The following LHFPL6 variants were observed in gnomAD, a reference collection of about 807,000 sequenced individuals.
LHFPL6 encodes LHFPL tetraspan subfamily member 6.
LHFPL6 carries 9 observed loss-of-function variants against 20.6 expected under a neutral mutation model. That is an observed-to-expected ratio of 0.44 (90% CI 0.26 to 0.76). The LOEUF (loss-of-function observed/expected upper bound fraction) is 0.76. LHFPL6 is among the 30% of genes least tolerant of loss of function. The pLI, the probability that LHFPL6 is intolerant of heterozygous loss-of-function variation, is 0.20. For missense variants in LHFPL6, 218 were observed against 253.5 expected, an observed-to-expected ratio of 0.86 and a Z score of 0.95; for synonymous variants, 105 against 98.7, an observed-to-expected ratio of 1.06 and a Z score of -0.38.
At chr13:39,352,614 T>C (rs898898552) in intron 3 of LHFPL6, among the ~76,000 whole-genome samples, 7 of 152,070 alleles carry the variant, frequency 4.6e-5, no homozygotes, top group African/African-American at 1.2e-4. Context: ...CTTGTAGCCA[T>C]AGTGTCTGAG....
chr13:39,370,805 T>C (rs575255082), intron 3 of LHFPL6, among the ~76,000 whole-genome samples: 2 of 152,344 alleles, frequency 1.3e-5, no homozygotes, highest in South Asian at 4.1e-4. Flanking sequence ...AAGCGAGTCA[T>C]ATTGAATGTC....
intron 3 of LHFPL6, among the ~76,000 whole-genome samples, chr13:39,352,468 C>T (rs778634939): frequency 3.3e-5 from 5 of 152,182 alleles, no homozygotes; most frequent in African/African-American, 4.8e-5. Flanking sequence ...CACTGTAACT[C>T]GGGCAGTTCC....
intron 2 of LHFPL6, among the ~76,000 whole-genome samples, chr13:39,441,932 C>T (rs1238717302): frequency 4.7e-5 from 7 of 147,846 alleles, no homozygotes; most frequent in South Asian, 4.3e-4. Context: ...CAGGTTCAAG[C>T]GATTCTCCTG....
chr13:39,439,801 C>T (rs989775786), intron 2 of LHFPL6, among the ~76,000 whole-genome samples: 19 of 152,108 alleles, frequency 1.2e-4, no homozygotes, highest in African/African-American at 4.1e-4. Context: ...CTACCTCACT[C>T]CCCCTTTGCC....
At chr13:39,366,188 T>C (rs1181078466) in intron 3 of LHFPL6, among the ~76,000 whole-genome samples, 1 of 152,204 alleles carries the variant, frequency 6.6e-6, no homozygotes, top group East Asian at 1.9e-4. Context: ...CTTAGAGTGA[T>C]AACACTATGA....
At chr13:39,546,620 T>G (rs1207086489) in intron 2 of LHFPL6, among the ~76,000 whole-genome samples, 1 of 152,014 alleles carries the variant, frequency 6.6e-6, no homozygotes, top group Non-Finnish European at 1.5e-5. Context: ...ACCTTCCCAT[T>G]CAGATACAGC....
intron 2 of LHFPL6, among the ~76,000 whole-genome samples, chr13:39,546,802 T>C (rs1032490560): frequency 2.6e-5 from 4 of 152,126 alleles, no homozygotes; most frequent in African/African-American, 9.7e-5. Context: ...GCTTTTTTAC[T>C]GCCACAAAGG....
intron 3 of LHFPL6, among the ~76,000 whole-genome samples, chr13:39,352,376 T>C (rs1053914356): frequency 3.3e-5 from 5 of 152,182 alleles, no homozygotes; most frequent in Non-Finnish European, 7.4e-5. Flanking sequence ...GGTGCCACCA[T>C]ACCATCCTAA....
chr13:39,405,895 A>G (rs1450973297), intron 2 of LHFPL6, among the ~76,000 whole-genome samples: 1 of 152,182 alleles, frequency 6.6e-6, no homozygotes, highest in East Asian at 1.9e-4. Context: ...TCTTTTTCCA[A>G]ATGAAATCTG....
intron 2 of LHFPL6, among the ~76,000 whole-genome samples, chr13:39,541,237 A>G (rs57364973): frequency 0.025 from 3,851 of 152,272 alleles, 169 homozygotes; most frequent in African/African-American, 0.088. Flanking sequence ...GGACACCCCA[A>G]AGGAGAAGAG....
chr13:39,464,088 C>G (rs1176437162), intron 2 of LHFPL6, among the ~76,000 whole-genome samples: 1 of 152,096 alleles, frequency 6.6e-6, no homozygotes. Context: ...TAAGGAGGTA[C>G]TCAAAAAGGT....
At chr13:39,512,086 T>C (rs1869727180) in intron 2 of LHFPL6, among the ~76,000 whole-genome samples, 1 of 152,224 alleles carries the variant, frequency 6.6e-6, no homozygotes, top group South Asian at 2.1e-4. Flanking sequence ...ATACTTTATT[T>C]GTAATTTAAA....
At chr13:39,513,109 A>T (rs1869782380) in intron 2 of LHFPL6, among the ~76,000 whole-genome samples, 1 of 152,228 alleles carries the variant, frequency 6.6e-6, no homozygotes, top group East Asian at 1.9e-4. Context: ...ATAGCAAATA[A>T]CCTTAAAATT....
intron 2 of LHFPL6, among the ~76,000 whole-genome samples, chr13:39,594,914 C>A (rs961973630): frequency 1.2e-4 from 18 of 152,028 alleles, no homozygotes; most frequent in Middle Eastern, 6.8e-3. Context: ...GGGAATTGAA[C>A]AATGAGAACA....
intron 3 of LHFPL6, among the ~76,000 whole-genome samples, chr13:39,365,221 G>C (rs115878776): frequency 6.6e-6 from 1 of 152,276 alleles, no homozygotes; most frequent in African/African-American, 2.4e-5. Flanking sequence ...TATGGCTGCA[G>C]CCATTTTCCT....
chr13:39,433,971 G>T (rs1464199185), intron 2 of LHFPL6, among the ~76,000 whole-genome samples: 1 of 152,124 alleles, frequency 6.6e-6, no homozygotes, highest in Admixed American at 6.5e-5. Flanking sequence ...CAAAGAGCCT[G>T]CTATCTGTGA....
rs1378385071 is a variant in LHFPL6 at position 39,352,948 on chromosome 13, T to C, written c.485-8894A>G. Among the ~76,000 whole-genome samples the C allele has an allele frequency of 3.8e-3, 406 of 107,850 alleles. 8 individuals carry two copies. Among genetic ancestry groups the C allele is most frequent in the African/African-American group, 8.0e-3 (197 of 24,550 alleles). 70.8% of individuals were successfully genotyped at this position (107,850 alleles called of 152,430 possible). On this transcript the variant is annotated intron_variant, in intron 3 of 3. Coordinates refer to ENST00000379589, the MANE Select transcript of LHFPL6 (RefSeq NM_005780.3). ...AAATGTATATATATGTGTGTATATATATATACATACATACACACACACACA... is the reference window on the plus strand; with the variant it reads ...AAATGTATATATATGTGTGTATATACATATACATACATACACACACACACA...
intron 2 of LHFPL6, among the ~76,000 whole-genome samples, chr13:39,553,899 A>G (rs1194993605): frequency 6.6e-6 from 1 of 152,334 alleles, no homozygotes; most frequent in East Asian, 1.9e-4. Flanking sequence ...AATCAGTGAA[A>G]AAAAGGTCAG....
intron 2 of LHFPL6, among the ~76,000 whole-genome samples, chr13:39,413,968 C>T (rs1871293205): frequency 6.6e-6 from 1 of 152,176 alleles, no homozygotes; most frequent in Non-Finnish European, 1.5e-5. Flanking sequence ...GTTTACGAGA[C>T]TCATCCATAG....
Sources: allele counts gnomAD v4.1 joint callset (sites outside exome capture counted in the v4.1 genomes callset), GRCh38; gene constraint gnomAD v4.1.1; transcripts MANE v1.5; gene names NCBI Gene and HGNC (gene_info 2026-07-23, HGNC 2026-07-21).